Variants in PCDHA2 observed in about 807,000 individuals in gnomAD.
PCDHA2 encodes the protein protocadherin alpha 2, also known as protocadherin alpha-2.
In PCDHA2, 58 loss-of-function variants were observed where a neutral mutation model predicts 66.0. That is an observed-to-expected ratio of 0.88 (90% CI 0.71 to 1.09). The LOEUF is 1.09. PCDHA2 is among the 50% of genes least tolerant of loss of function. The pLI, the probability that PCDHA2 is intolerant of heterozygous loss-of-function variation, is 0.00. For synonymous variants in PCDHA2, 634 were observed against 554.0 expected, an observed-to-expected ratio of 1.14 and a Z score of -2.03; for missense variants, 1,267 against 1,242.3, an observed-to-expected ratio of 1.02 and a Z score of -0.30.
intron 1 of PCDHA2, among the ~76,000 whole-genome samples, chr5:140,903,657 A>G (rs913315008): frequency 6.6e-6 from 1 of 152,230 alleles, no homozygotes; most frequent in Non-Finnish European, 1.5e-5. Flanking sequence ...TATATTATAA[A>G]TTTAACTGAT....
intron 1 of PCDHA2, chr5:140,876,602 G>A (rs572945874): frequency 6.2e-7 from 1 of 1,614,180 alleles, no homozygotes; most frequent in Non-Finnish European, 8.5e-7. Flanking sequence ...GTGTCGGATC[G>A]TGACTCTGGA....
At chr5:140,848,361 A>G in intron 1 of PCDHA2, 1 of 1,069,062 alleles carries the variant, frequency 9.4e-7, no homozygotes, top group East Asian at 2.4e-5. Context: ...TTCCCATGGG[A>G]AAGAGGCTCA....
At chr5:140,842,432 C>T (rs2150336082) in intron 1 of PCDHA2, 2 of 1,613,656 alleles carry the variant, frequency 1.2e-6, no homozygotes, top group Non-Finnish European at 1.7e-6. Context: ...TGTCATCGCC[C>T]TAATTAGCGT....
chr5:140,872,203 T>C (rs2053540668), intron 1 of PCDHA2, among the ~76,000 whole-genome samples: 1 of 152,208 alleles, frequency 6.6e-6, no homozygotes, highest in Non-Finnish European at 1.5e-5. Context: ...CATCATAAAT[T>C]CATTATATAT....
Position 140,796,970 on chromosome 5 carries a change from T to C in PCDHA2, c.2006T>C (p.Leu669Ser). Residue 669 changes from leucine to serine, a missense_variant, in exon 1 of 4, where the codon TTG becomes TCG. Physicochemically the swap from Leu to Ser is moderately radical, Grantham distance 145 (BLOSUM62 -2). Coordinates refer to ENST00000526136, the MANE Select transcript of PCDHA2 (RefSeq NM_018905.3). ...GCCACGGCCACCGTGTTAGTGTCGT[T>C]GGTGGAAAGTGGCCAGGCACCCAAG... is the stretch of plus-strand genomic sequence containing the variant. ...LTATATVLVS[L>S]VESGQAPKAS... is the part of the protein sequence containing the mutation. 6.2e-7 allele frequency: 1 copy of C among 1,613,684 alleles called. No homozygotes were observed.
chr5:140,948,276 G>A (rs375889469), intron 1 of PCDHA2, among the ~76,000 whole-genome samples: 1 of 151,520 alleles, frequency 6.6e-6, no homozygotes, highest in East Asian at 1.9e-4. Context: ...TAGAATATCT[G>A]TAAATAATTT....
chr5:140,800,140 A>G (rs1015270658), intron 1 of PCDHA2, among the ~76,000 whole-genome samples: 13 of 152,302 alleles, frequency 8.5e-5, no homozygotes, highest in Middle Eastern at 3.4e-3. Context: ...TTAACATTTT[A>G]GTATATACAG....
chr5:140,803,225 C>T, intron 1 of PCDHA2: 1 of 1,613,852 alleles, frequency 6.2e-7, no homozygotes, highest in Non-Finnish European at 8.5e-7. Context: ...GCCAGGCACC[C>T]AAGGCCTCGT....
chr5:140,813,949 G>A (rs2126651118), intron 1 of PCDHA2: 1 of 152,534 alleles, frequency 6.6e-6, no homozygotes, highest in Non-Finnish European at 1.5e-5. Flanking sequence ...AGTGAGCTAT[G>A]GTCGTGCCAC....
chr5:140,881,350 T>C, intron 1 of PCDHA2: 1 of 985,354 alleles, frequency 1.0e-6, no homozygotes, highest in Non-Finnish European at 1.2e-6. Flanking sequence ...CGGGCTACAA[T>C]GCGTGGCTTT....
chr5:140,808,702 G>A (rs1554124704), intron 1 of PCDHA2: 5 of 1,612,168 alleles, frequency 3.1e-6, no homozygotes, highest in Non-Finnish European at 3.4e-6. Flanking sequence ...GCGCGCTGTC[G>A]AGCTACGTTT....
At position 140,869,660 on chromosome 5, in the gene PCDHA2, G is replaced by T. The variant is rs782182212; in HGVS notation, c.2388+72308G>T. On this transcript the variant is annotated intron_variant, in intron 1 of 3. Coordinates refer to ENST00000526136, the MANE Select transcript of PCDHA2 (RefSeq NM_018905.3). ...TTTTCTTTAGATTCACCAACAAATG[G>T]TAAGCAGATTAAAAGACTGTCACTT... is the stretch of plus-strand genomic sequence containing the variant. 7 of 1,613,392 alleles carry T rather than the reference G, an allele frequency of 4.3e-6. No individual in the cohort carries two copies. The Admixed American group carries it at 1.2e-4, about 27-fold the overall frequency.
At chr5:140,942,838 A>G (rs2093377015) in intron 1 of PCDHA2, among the ~76,000 whole-genome samples, 1 of 152,198 alleles carries the variant, frequency 6.6e-6, no homozygotes, top group Non-Finnish European at 1.5e-5. Context: ...GTCAATAAAA[A>G]TTCCAGTAAG....
rs2150124937 is a variant in PCDHA2, at chr5:140,823,353, A to G, written c.2388+26001A>G. The G allele has an allele frequency of 2.0e-5, 32 of 1,612,244 alleles. No individual in the cohort carries two copies. The African/African-American group carries it at 2.8e-4, about 14-fold the overall frequency. On this transcript the variant is annotated intron_variant, in intron 1 of 3. Coordinates refer to ENST00000526136, the MANE Select transcript of PCDHA2 (RefSeq NM_018905.3). ...CGCTGCAGCCGCTGGACCACGAGGAAGTGGAGCTGCTGCAGTTCCAGGTGA... is the reference window on the plus strand; with the variant it reads ...CGCTGCAGCCGCTGGACCACGAGGAGGTGGAGCTGCTGCAGTTCCAGGTGA...
At chr5:140,836,408 A>G (rs2150260018) in intron 1 of PCDHA2, 22 of 1,613,740 alleles carry the variant, frequency 1.4e-5, no homozygotes, top group Non-Finnish European at 1.9e-5. Context: ...GCGGCCAGGC[A>G]CCAAAGGCGT....
At chr5:140,846,097 A>G (rs1554141144) in intron 1 of PCDHA2, among the ~76,000 whole-genome samples, 1 of 149,760 alleles carries the variant, frequency 6.7e-6, no homozygotes, top group African/African-American at 2.4e-5. Context: ...CCTTCCAAGG[A>G]ATGTGTAGAC....
chr5:140,876,803 A>G lies in PCDHA2; in HGVS notation c.2388+79451A>G, dbSNP rs201565376. The G allele has an allele frequency of 1.6e-4, 261 of 1,614,140 alleles. 4 individuals are homozygous for G. In the East Asian group the frequency reaches 3.7e-3, roughly 23 times the overall value. On this transcript the variant is annotated intron_variant, in intron 1 of 3. Coordinates refer to ENST00000526136, the MANE Select transcript of PCDHA2 (RefSeq NM_018905.3). ...TGGGCCACGGCTAGAGTGTCCGTGG[A>G]GGTGGCCGACGTGAACGACAATGCG...
At chr5:140,914,807 A>G (rs929659841) in intron 1 of PCDHA2, among the ~76,000 whole-genome samples, 2 of 152,330 alleles carry the variant, frequency 1.3e-5, no homozygotes, top group Middle Eastern at 3.4e-3. Context: ...ACTGATGGCA[A>G]CTTAACAGAC....
intron 1 of PCDHA2, chr5:140,871,141 C>G: frequency 6.2e-7 from 1 of 1,613,438 alleles, no homozygotes; most frequent in Non-Finnish European, 8.5e-7. Context: ...GGCCTCTTCC[C>G]GGACTTTGGC....
Sources: gnomAD v4.1 joint callset for allele counts (sites outside exome capture counted in the v4.1 genomes callset) on GRCh38, gnomAD v4.1.1 for gene constraint, MANE v1.5 for transcripts, NCBI Gene and HGNC (gene_info 2026-07-23, HGNC 2026-07-21) for gene names.